PHTF2: variants seen among roughly 807,000 people sequenced by gnomAD.
The protein encoded by PHTF2 is protein PHTF2.
In PHTF2, 60 loss-of-function variants were observed where a neutral mutation model predicts 101.2. The ratio of observed to expected loss-of-function variants is 0.59; its 90% confidence interval spans 0.48 to 0.73. The LOEUF (loss-of-function observed/expected upper bound fraction) is 0.73. Ranked by LOEUF, PHTF2 falls within the 30% of genes least tolerant of loss-of-function variation. The pLI is 0.00. For synonymous variants in PHTF2, 311 were observed against 307.3 expected (o/e 1.01, Z -0.13); for missense variants, 747 against 908.7 (o/e 0.82, Z 2.29).
At chr7:77,939,606 A>G (rs1805466037) in intron 13 of PHTF2, among the ~76,000 whole-genome samples, 1 of 151,554 alleles carries the variant, frequency 6.6e-6, no homozygotes, top group Non-Finnish European at 1.5e-5. Context: ...AAAAAAAAAA[A>G]AAGAAAACAG....
intron 19 of PHTF2, 59 bp downstream of exon 18, chr7:77,953,953 A>G (rs544600441): frequency 3.3e-4 from 505 of 1,508,402 alleles, no homozygotes; most frequent in Non-Finnish European, 3.5e-4. Flanking sequence ...TGTTGCGCCC[A>G]TTTTACCCTC....
chr7:77,919,215 AG>A (rs1333421838), intron 9 of PHTF2, among the ~76,000 whole-genome samples: 6 of 152,184 alleles, frequency 3.9e-5, no homozygotes, highest in Non-Finnish European at 5.9e-5. Flanking sequence ...GTGAGTTTTA[AG>A]GTCCTGCTCA....
chr7:77,954,612 G>GTGTGTGTATATATATATATA (rs1426693429), intron 19 of PHTF2, among the ~76,000 whole-genome samples: 1 of 90,194 alleles, frequency 1.1e-5, no homozygotes, highest in Non-Finnish European at 2.1e-5. Context: ...CAAGTACTGT[G>GTGTGTGTATATATATATATA]TATATATATA....
chr7:77,806,046 G>A (rs926311064), intron 1 of PHTF2, among the ~76,000 whole-genome samples: 1 of 152,046 alleles, frequency 6.6e-6, no homozygotes, highest in African/African-American at 2.4e-5. Context: ...ATGGTGGTGC[G>A]TGCCTGTAGT....
intron 3 of PHTF2, among the ~76,000 whole-genome samples, chr7:77,892,858 C>T (rs995587744): frequency 1.3e-5 from 2 of 152,208 alleles, no homozygotes; most frequent in Non-Finnish European, 2.9e-5. Context: ...TCAATCATTT[C>T]ACAACTTTGT....
intron 1 of PHTF2, among the ~76,000 whole-genome samples, chr7:77,812,370 G>T (rs1338853063): frequency 2.0e-5 from 3 of 152,156 alleles, no homozygotes; most frequent in Non-Finnish European, 4.4e-5. Context: ...GCAGTAAAAT[G>T]ACTTGAATAC....
In PHTF2 at chr7:77,949,534, T is replaced by A. The variant is rs886431712; in HGVS notation, c.1960-144T>A. 11 of 566,342 alleles carry A rather than the reference T, an allele frequency of 1.9e-5. 1 individual carries two copies. In the Admixed American group the frequency reaches 2.8e-4, roughly 15 times the overall value. 35.1% of individuals were successfully genotyped at this position (566,342 alleles called of 1,614,324 possible). A position where few individuals can be genotyped will look rare whatever the true frequency, so the allele number is the denominator to read the frequency against. Reference sequence around the variant, plus strand: ...TTAATTACCTTATACTCTATACTTTTGATATGCTTAAAATATTTCATAATT... The same window carrying A: ...TTAATTACCTTATACTCTATACTTTAGATATGCTTAAAATATTTCATAATT... On this transcript the variant is annotated intron_variant, in intron 16 of 19. Transcript: ENST00000416283.
chr7:77,908,937 G>A (rs757146800), exon 8 of PHTF2: 1 of 1,601,804 alleles, frequency 6.2e-7, no homozygotes, highest in Non-Finnish European at 8.5e-7. Context: ...CCTCCTCTAA[G>A]TACAGGGGGT....
At chr7:77,925,096 C>G (rs980514964) in intron 11 of PHTF2, among the ~76,000 whole-genome samples, 2 of 152,130 alleles carry the variant, frequency 1.3e-5, no homozygotes, top group African/African-American at 4.8e-5. Context: ...AGCTTTTCAT[C>G]CCAGAAAGGT....
chr7:77,890,599 CTT>C (rs747882978), intron 3 of PHTF2, among the ~76,000 whole-genome samples: 20 of 84,204 alleles, frequency 2.4e-4, no homozygotes, highest in African/African-American at 5.4e-4. Flanking sequence ...AATAGTTACA[CTT>C]TTTTTTTTTT....
At chr7:77,863,355 C>T (rs1233209555) in intron 3 of PHTF2, among the ~76,000 whole-genome samples, 4 of 152,082 alleles carry the variant, frequency 2.6e-5, no homozygotes, top group African/African-American at 9.7e-5. Flanking sequence ...AGAGGAATGA[C>T]GTCTTATTTT....
intron 1 of PHTF2, among the ~76,000 whole-genome samples, chr7:77,804,907 A>G (rs1189573188): frequency 6.6e-6 from 1 of 152,218 alleles, no homozygotes; most frequent in Non-Finnish European, 1.5e-5. Context: ...CTTCAGAATA[A>G]TTTTGTTGAA....
intron 3 of PHTF2, among the ~76,000 whole-genome samples, chr7:77,880,955 T>G (rs528715770): frequency 6.6e-6 from 1 of 152,298 alleles, no homozygotes; most frequent in South Asian, 2.1e-4. Flanking sequence ...ACTTGACTGC[T>G]TCTAATACCA....
intron 1 of PHTF2, among the ~76,000 whole-genome samples, chr7:77,834,403 T>C (rs1795296623): frequency 6.6e-6 from 1 of 151,948 alleles, no homozygotes; most frequent in Admixed American, 6.6e-5. Flanking sequence ...TAACATAAAC[T>C]GTTGATTGGC....
At chr7:77,937,775 A>G in exon 13 of PHTF2, 1 of 1,530,516 alleles carries the variant, frequency 6.5e-7, no homozygotes. Context: ...TAGTATGGGA[A>G]GGTAATGATT....
intron 1 of PHTF2, among the ~76,000 whole-genome samples, chr7:77,814,507 G>A (rs1290489442): frequency 1.3e-5 from 2 of 151,210 alleles, no homozygotes; most frequent in African/African-American, 2.4e-5. Context: ...ACTACACTTG[G>A]GGGGCATTTT....
In PHTF2 at chr7:77,881,755, C is replaced by G. The variant is rs1286851495; in HGVS notation, c.148-11853C>G. Among the ~76,000 whole-genome samples, 4 of 152,302 alleles carry G rather than the reference C, an allele frequency of 2.6e-5. No individual in the cohort carries two copies. The East Asian group carries it at 5.8e-4, about 22-fold the overall frequency. ...CAATCCCAGGTACTTAAGCCAGAAA[C>G]TGTCATCTTTATTTCTTTCTCATGC... On this transcript the variant is annotated intron_variant, in intron 3 of 19. Coordinates refer to ENST00000416283, the Ensembl canonical transcript of PHTF2.
intron 1 of PHTF2, among the ~76,000 whole-genome samples, chr7:77,824,870 C>CAA (rs112875578): frequency 6.9e-5 from 9 of 130,588 alleles, no homozygotes; most frequent in African/African-American, 1.4e-4. Flanking sequence ...CCACCTCTAC[C>CAA]AAAAAAAAAA....
At chr7:77,887,317 C>T (rs1799949916) in intron 3 of PHTF2, among the ~76,000 whole-genome samples, 1 of 151,668 alleles carries the variant, frequency 6.6e-6, no homozygotes, top group Admixed American at 6.6e-5. Context: ...GTTGAATTTT[C>T]ATCTGTTTGA....
Sources: gnomAD v4.1 joint callset for allele counts (sites outside exome capture counted in the v4.1 genomes callset) on GRCh38, gnomAD v4.1.1 for gene constraint, MANE v1.5 for transcripts, NCBI Gene and HGNC (gene_info 2026-07-23, HGNC 2026-07-21) for gene names.